Variants in SGCG observed in about 807,000 individuals in gnomAD.
The protein encoded by SGCG is sarcoglycan gamma.
In SGCG, 26 loss-of-function variants were observed where a neutral mutation model predicts 29.3. The observed-to-expected ratio is 0.89, with a 90% CI of 0.65 to 1.23. SGCG has a LOEUF of 1.23. Ranked by LOEUF, SGCG falls within the 50% of genes most tolerant of loss-of-function variation. The pLI, the probability that SGCG is intolerant of heterozygous loss-of-function variation, is 0.00. For synonymous variants in SGCG, 145 were observed against 129.7 expected (o/e 1.12, Z -0.80); for missense variants, 353 against 356.0 (o/e 0.99, Z 0.07).
At chr13:23,285,816 C>T (rs955065359) in intron 5 of SGCG, among the ~76,000 whole-genome samples, 1 of 152,144 alleles carries the variant, frequency 6.6e-6, no homozygotes, top group Non-Finnish European at 1.5e-5. Context: ...TGAATAGCAC[C>T]ATCCTTCATG....
intron 6 of SGCG, among the ~76,000 whole-genome samples, chr13:23,312,314 G>C (rs1424973556): frequency 6.6e-6 from 1 of 152,158 alleles, no homozygotes; most frequent in Non-Finnish European, 1.5e-5. Flanking sequence ...GCTTCAAAAA[G>C]CCTTTCACAT....
chr13:23,206,174 A>G (rs1877974359), intron 2 of SGCG, among the ~76,000 whole-genome samples: 1 of 152,244 alleles, frequency 6.6e-6, no homozygotes, highest in Non-Finnish European at 1.5e-5. Context: ...TATTTCAAGA[A>G]CAATTAACAC....
In SGCG at chr13:23,249,812, G is replaced by GA. The variant is rs547658503; in HGVS notation, c.298-812dup. Among the ~76,000 whole-genome samples, 141 of 152,056 alleles carry GA rather than the reference G, an allele frequency of 9.3e-4. 1 individual carries two copies. The highest frequency in any genetic ancestry group is 3.1e-3 in the African/African-American group (130 of 41,474). ...AATGTTTTTAGTAAATTTTATTGTA[G>GA]AAAAAATCTGTTGAAAATATTTCTT... On this transcript the variant is annotated intron_variant, in intron 3 of 7. Transcript: ENST00000218867.
intron 6 of SGCG, among the ~76,000 whole-genome samples, chr13:23,300,151 A>G (rs1244519780): frequency 6.6e-6 from 1 of 152,194 alleles, no homozygotes; most frequent in Non-Finnish European, 1.5e-5. Flanking sequence ...ACGTCTGTTC[A>G]TCTACTTATC....
At chr13:23,168,076 C>T in the SGCG span, among the ~76,000 whole-genome samples, 1 of 151,266 alleles carries the variant, frequency 6.6e-6, no homozygotes. Flanking sequence ...ATATTTTTTC[C>T]TATAGAGTTG....
At chr13:23,206,083 G>C (rs1407956977) in intron 2 of SGCG, among the ~76,000 whole-genome samples, 1 of 152,128 alleles carries the variant, frequency 6.6e-6, no homozygotes, top group Non-Finnish European at 1.5e-5. Flanking sequence ...ACAGTAAATT[G>C]TAAATTAACG....
At chr13:23,226,570 CA>C (rs1233038276) in intron 2 of SGCG, among the ~76,000 whole-genome samples, 1 of 152,156 alleles carries the variant, frequency 6.6e-6, no homozygotes, top group Non-Finnish European at 1.5e-5. Flanking sequence ...ATTGAAATCC[CA>C]GCACAAATGT....
intron 1 of SGCG, among the ~76,000 whole-genome samples, chr13:23,199,295 T>C (rs1409093056): frequency 6.6e-6 from 1 of 152,232 alleles, no homozygotes; most frequent in Admixed American, 6.5e-5. Flanking sequence ...AATATACTTA[T>C]TTCACTAATT....
At chr13:23,236,099 A>G (rs1879298383) in intron 3 of SGCG, among the ~76,000 whole-genome samples, 1 of 152,232 alleles carries the variant, frequency 6.6e-6, no homozygotes, top group Non-Finnish European at 1.5e-5. Flanking sequence ...GGCAGGTAAG[A>G]GCCTGATTCT....
chr13:23,265,865 T>C (rs972018498), intron 4 of SGCG, among the ~76,000 whole-genome samples: 35 of 152,176 alleles, frequency 2.3e-4, no homozygotes, highest in African/African-American at 8.0e-4. Context: ...AGTATGGAGA[T>C]TTCTCAAAGA....
intron 6 of SGCG, among the ~76,000 whole-genome samples, chr13:23,305,231 A>C (rs1397109510): frequency 6.6e-6 from 1 of 152,170 alleles, no homozygotes; most frequent in African/African-American, 2.4e-5. Flanking sequence ...AGCTACTTCT[A>C]TACCTCTCAG....
At chr13:23,246,867 T>G (rs1311332235) in intron 3 of SGCG, 1 of 160,708 alleles carries the variant, frequency 6.2e-6, no homozygotes, top group Admixed American at 6.2e-5. Context: ...CCAGCATTGC[T>G]TCACTGGCAG....
intron 1 of SGCG, among the ~76,000 whole-genome samples, chr13:23,183,364 TCA>T (rs1021613923): frequency 1.2e-4 from 18 of 152,234 alleles, no homozygotes; most frequent in African/African-American, 4.1e-4. Context: ...AACCTGCTTC[TCA>T]CAGTCCCCTA....
At chr13:23,295,620 CG>C (rs1945228532) in intron 6 of SGCG, 133 bp downstream of exon 6, 1 of 740,958 alleles carries the variant, frequency 1.3e-6, no homozygotes, top group Non-Finnish European at 2.4e-6. Context: ...CAAGACTTTC[CG>C]CTTATAACTA....
intron 4 of SGCG, among the ~76,000 whole-genome samples, chr13:23,263,678 A>G (rs779911627): frequency 3.9e-5 from 6 of 152,102 alleles, no homozygotes; most frequent in Non-Finnish European, 8.8e-5. Flanking sequence ...AGATGCAAAA[A>G]TCCTCAACAA....
chr13:23,235,495 C>T (rs933839052), intron 3 of SGCG, among the ~76,000 whole-genome samples: 6 of 152,176 alleles, frequency 3.9e-5, no homozygotes, highest in Admixed American at 1.3e-4. Flanking sequence ...TTATTAAATA[C>T]TTATGTGACT....
intron 6 of SGCG, among the ~76,000 whole-genome samples, chr13:23,316,572 A>G (rs778635939): frequency 6.6e-6 from 1 of 152,190 alleles, no homozygotes; most frequent in African/African-American, 2.4e-5. Flanking sequence ...AAGGCCGTGT[A>G]TGCTCTGAAT....
intron 5 of SGCG, among the ~76,000 whole-genome samples, chr13:23,281,632 G>A (rs1402665778): frequency 6.6e-6 from 1 of 152,156 alleles, no homozygotes; most frequent in Non-Finnish European, 1.5e-5. Context: ...GGAAGAAAAT[G>A]TTTTCACAGT....
At chr13:23,284,549 C>A (rs933775640) in intron 5 of SGCG, among the ~76,000 whole-genome samples, 29 of 152,136 alleles carry the variant, frequency 1.9e-4, no homozygotes, top group Non-Finnish European at 2.5e-4. Flanking sequence ...TGGGTTATAA[C>A]ATGCTCCTTT....
Sources: gnomAD v4.1 joint callset for allele counts (sites outside exome capture counted in the v4.1 genomes callset) on GRCh38, gnomAD v4.1.1 for gene constraint, MANE v1.5 for transcripts, NCBI Gene and HGNC (gene_info 2026-07-23, HGNC 2026-07-21) for gene names.